Variants in MSL2 observed in about 807,000 individuals in gnomAD.
The protein encoded by MSL2 is MSL complex subunit 2.
In MSL2, 2 loss-of-function variants were observed where a neutral mutation model predicts 35.8. The ratio of observed to expected loss-of-function variants is 0.06; its 90% CI spans 0.02 to 0.18. The LOEUF is 0.18. Among genes scored for constraint, MSL2 ranks in the 10% least tolerant of loss-of-function variants. MSL2 has a pLI of 1.00. For synonymous variants in MSL2, 296 were observed against 255.7 expected, an observed-to-expected ratio of 1.16 and a Z score of -1.50; for missense variants, 523 against 706.7, an observed-to-expected ratio of 0.74 and a Z score of 2.95.
chr3:136,162,273 TAAAAAAA>T (rs559618888), intron 1 of MSL2, among the ~76,000 whole-genome samples: 2 of 135,906 alleles, frequency 1.5e-5, no homozygotes, highest in Non-Finnish European at 3.2e-5. Flanking sequence ...ATAAGGTTTT[TAAAAAAA>T]AAAAAAAAAG....
Position 136,195,302 on chromosome 3 carries a change from T to C in MSL2, c.-189A>G. On this transcript the variant is annotated 5_prime_UTR_variant, in exon 1 of 2. Transcript: ENST00000309993. ...AACAATCCTCCCACACATGGGGCCT[T>C]GGCGCCCCTCCGTCCCTGAGACTTC... 2.1e-6 allele frequency: 3 copies of C among 1,400,210 alleles called. No homozygotes were observed. Among genetic ancestry groups the C allele is most frequent in the South Asian group, 3.3e-5 (2 of 61,192 alleles). The allele number at this position is 1,400,210 out of a possible 1,614,324, so 86.7% of individuals were successfully genotyped here. A position where few individuals can be genotyped will look rare whatever the true frequency, so the allele number is the denominator to read the frequency against.
chr3:136,160,477 C>T (rs768945565), intron 1 of MSL2, among the ~76,000 whole-genome samples: 95 of 149,990 alleles, frequency 6.3e-4, no homozygotes, highest in Non-Finnish European at 1.1e-3. Flanking sequence ...CCCAGCACTT[C>T]GGAAGGCCGA....
intron 1 of MSL2, among the ~76,000 whole-genome samples, chr3:136,166,113 G>A (rs1939842900): frequency 6.8e-6 from 1 of 147,020 alleles, no homozygotes; most frequent in Non-Finnish European, 1.5e-5. Flanking sequence ...ACTGGGCCAG[G>A]CACGATGGCT....
At chr3:136,170,939 A>G (rs1940007380) in intron 1 of MSL2, among the ~76,000 whole-genome samples, 2 of 152,182 alleles carry the variant, frequency 1.3e-5, no homozygotes, top group Admixed American at 1.3e-4. Flanking sequence ...ATGGGAGGGA[A>G]AAGAGGCCAA....
At chr3:136,157,094 C>G (rs185040624) in intron 1 of MSL2, among the ~76,000 whole-genome samples, 1 of 152,170 alleles carries the variant, frequency 6.6e-6, no homozygotes. Flanking sequence ...TTTCTTTCAC[C>G]TTAATAGGAA....
At chr3:136,194,315 CA>C (rs1425080038) in intron 1 of MSL2, 4 of 723,380 alleles carry the variant, frequency 5.5e-6, no homozygotes, top group Non-Finnish European at 6.8e-6. Flanking sequence ...TTTTTTTTAA[CA>C]AAAACATCTA....
chr3:136,152,108 T>C lies in MSL2; in HGVS notation c.773A>G (p.Glu258Gly). ...STGIDICSFS[E>G]DIKPGDSLLL... ...CAGAGAGTCTCCAGGTTTTATATCT[T>C]CACTGAAACTGCAGATATCAATGCC... The change falls in exon 2 of 2, where the codon GAA becomes GGA. Residue 258 changes from glutamate (E) to glycine (G), a missense_variant. This residue lies in a region of MSL2 where 361 missense variants were observed against 414.6 expected (regional missense o/e 0.87). Transcript: ENST00000309993. 1 of 1,614,186 alleles carries C rather than the reference T, an allele frequency of 6.2e-7. No individual in the cohort carries two copies. The highest frequency in any genetic ancestry group is 1.3e-5 in the African/African-American group (1 of 75,054).
At chr3:136,184,306 T>C (rs558709504) in intron 1 of MSL2, among the ~76,000 whole-genome samples, 1 of 145,998 alleles carries the variant, frequency 6.8e-6, no homozygotes, top group East Asian at 2.1e-4. Context: ...AAAAAAAGAA[T>C]TCTATGGTTC....
chr3:136,159,354 CTTTTTTTTT>C (rs71157361), intron 1 of MSL2, among the ~76,000 whole-genome samples: 9 of 70,054 alleles, frequency 1.3e-4, no homozygotes, highest in African/African-American at 2.2e-4. Flanking sequence ...AGAGTACTTT[CTTTTTTTTT>C]TTTTTTTTTT....
intron 1 of MSL2, among the ~76,000 whole-genome samples, chr3:136,177,985 A>C (rs1940230715): frequency 6.6e-6 from 1 of 152,196 alleles, no homozygotes; most frequent in Non-Finnish European, 1.5e-5. Context: ...GTAAGTCAGT[A>C]CTTTATACAT....
At position 136,195,423 on chromosome 3, in the gene MSL2, C is replaced by A. The variant is rs1009264497; in HGVS notation, c.-310G>T. The A allele has an allele frequency of 2.7e-6, 3 of 1,115,060 alleles. No individual in the cohort carries two copies. The highest frequency in any genetic ancestry group is 3.3e-6 in the Non-Finnish European group (3 of 910,310). The allele number at this position is 1,115,060 out of a possible 1,614,324, so 69.1% of individuals were successfully genotyped here. A position where few individuals can be genotyped will look rare whatever the true frequency, so the allele number is the denominator to read the frequency against. ...CGGCTTGGGCGCTCGGGGCGGGACT[C>A]GGAGCTCAGTCTAGCCCCGCGGCTC... On this transcript the variant is annotated 5_prime_UTR_variant, in exon 1 of 2. Coordinates refer to ENST00000309993, the MANE Select transcript of MSL2 (RefSeq NM_018133.4).
At chr3:136,169,250 G>T (rs111314336) in intron 1 of MSL2, among the ~76,000 whole-genome samples, 1,395 of 16,584 alleles carry the variant, frequency 0.084, 12 homozygotes, top group Non-Finnish European at 0.16. Flanking sequence ...GGGGGGGGGG[G>T]GGTGCTTATT....
At chr3:136,157,283 A>ATCACCTGAGGTCAGGAAGGCAGGCCG (rs1559958133) in intron 1 of MSL2, among the ~76,000 whole-genome samples, 59 of 135,222 alleles carry the variant, frequency 4.4e-4, no homozygotes, top group Non-Finnish European at 2.6e-4. Context: ...AAGGCGGGCC[A>ATCACCTGAGGTCAGGAAGGCAGGCCG]ATCACCTGAG....
rs903688658 is a variant in MSL2, at chr3:136,195,439, C to A, written c.-326G>T. On this transcript the variant is annotated 5_prime_UTR_variant, in exon 1 of 2. Coordinates refer to ENST00000309993, the MANE Select transcript of MSL2 (RefSeq NM_018133.4). ...GGCGGGACTCGGAGCTCAGTCTAGC[C>A]CCGCGGCTCGGCAGGCGGCCTGCAC... The A allele has an allele frequency of 3.1e-5, 33 of 1,056,976 alleles. No individual in the cohort carries two copies. Among genetic ancestry groups the A allele is most frequent in the Non-Finnish European group, 3.8e-5 (33 of 875,458 alleles). 65.5% of individuals were successfully genotyped at this position (1,056,976 alleles called of 1,614,324 possible).
chr3:136,185,018 A>G (rs1940479424), intron 1 of MSL2, among the ~76,000 whole-genome samples: 1 of 152,178 alleles, frequency 6.6e-6, no homozygotes, highest in Admixed American at 6.5e-5. Flanking sequence ...TCTGTAGCCC[A>G]GGCTGGAGTA....
At chr3:136,163,196 A>T (rs113329195) in intron 1 of MSL2, among the ~76,000 whole-genome samples, 6,567 of 152,132 alleles carry the variant, frequency 0.043, 496 homozygotes, top group African/African-American at 0.15. Context: ...GAGGTGGAGG[A>T]TGCAGTGTGC....
intron 1 of MSL2, among the ~76,000 whole-genome samples, chr3:136,193,131 C>G (rs1940737255): frequency 1.3e-5 from 2 of 152,146 alleles, no homozygotes; most frequent in South Asian, 4.1e-4. Context: ...AAAAAAGGCT[C>G]CAGTTGGACT....
intron 1 of MSL2, among the ~76,000 whole-genome samples, chr3:136,186,270 G>A (rs559066494): frequency 1.7e-4 from 26 of 152,218 alleles, no homozygotes; most frequent in African/African-American, 4.8e-4. Context: ...AGATATCCAT[G>A]GGTGATTGGT....
At chr3:136,169,859 C>A (rs1939970433) in intron 1 of MSL2, among the ~76,000 whole-genome samples, 1 of 151,892 alleles carries the variant, frequency 6.6e-6, no homozygotes, top group African/African-American at 2.4e-5. Flanking sequence ...GAGTTCAAGA[C>A]CAGCCTGGTC....
Sources: allele counts gnomAD v4.1 joint callset (sites outside exome capture counted in the v4.1 genomes callset), GRCh38; gene constraint gnomAD v4.1.1; regional missense constraint gnomAD v4.1.1; transcripts MANE v1.5; gene names NCBI Gene and HGNC (gene_info 2026-07-23, HGNC 2026-07-21).